Variants in CTBP2 observed in about 807,000 individuals in gnomAD.
CTBP2 encodes the protein C-terminal binding protein 2.
Under a neutral mutation model 80.3 loss-of-function variants are expected in CTBP2, and 30 were observed. The ratio of observed to expected loss-of-function variants is 0.37; its 90% CI spans 0.28 to 0.51. The LOEUF (loss-of-function observed/expected upper bound fraction) is 0.51, where lower values mean the gene tolerates loss of function less well. CTBP2 is among the 20% of genes least tolerant of loss of function. CTBP2 has a pLI of 0.93. For synonymous variants in CTBP2, 594 were observed against 587.4 expected (o/e 1.01, Z -0.16); for missense variants, 1,212 against 1,375.3 (o/e 0.88, Z 1.88).
intron 2 of CTBP2, among the ~76,000 whole-genome samples, chr10:125,052,081 G>A (rs1005622471): frequency 2.6e-5 from 4 of 152,164 alleles, no homozygotes; most frequent in East Asian, 1.9e-4. Flanking sequence ...ACCCGAGCAC[G>A]CCAACACATG....
At chr10:125,009,311 A>G (rs1034254821) in intron 1 of CTBP2, among the ~76,000 whole-genome samples, 2 of 152,182 alleles carry the variant, frequency 1.3e-5, no homozygotes, top group Non-Finnish European at 2.9e-5. Flanking sequence ...GTGGCCTGGG[A>G]GGCAGGAGGA....
intron 3 of CTBP2, among the ~76,000 whole-genome samples, chr10:125,034,992 C>G (rs1416411866): frequency 6.6e-6 from 1 of 152,112 alleles, no homozygotes; most frequent in African/African-American, 2.4e-5. Context: ...GTTCCTTATA[C>G]GTATGGATGA....
intron 1 of CTBP2, among the ~76,000 whole-genome samples, chr10:125,012,167 C>T (rs1331915377): frequency 3.9e-5 from 6 of 152,228 alleles, no homozygotes; most frequent in South Asian, 2.1e-4. Context: ...AGACGCGCTA[C>T]GTGTGCGAGA....
chr10:124,990,905 C>A (rs1302517290), intron 8 of CTBP2, among the ~76,000 whole-genome samples: 1 of 152,270 alleles, frequency 6.6e-6, no homozygotes, highest in Non-Finnish European at 1.5e-5. Flanking sequence ...TCTCAGACTT[C>A]CAGCCTCCAG....
intron 2 of CTBP2, among the ~76,000 whole-genome samples, chr10:125,046,335 G>A (rs373809182): frequency 1.3e-5 from 2 of 151,918 alleles, no homozygotes; most frequent in African/African-American, 4.8e-5. Flanking sequence ...TCAGAAGTTC[G>A]AGACCAGCCT....
intron 1 of CTBP2, among the ~76,000 whole-genome samples, chr10:125,013,537 G>A (rs2134439677): frequency 6.6e-6 from 1 of 152,284 alleles, no homozygotes; most frequent in East Asian, 1.9e-4. Flanking sequence ...CAAAGGGATG[G>A]TAAACAGTTA....
At chr10:125,060,616 G>A (rs1964786633) in intron 2 of CTBP2, among the ~76,000 whole-genome samples, 1 of 152,202 alleles carries the variant, frequency 6.6e-6, no homozygotes, top group African/African-American at 2.4e-5. Context: ...GAACGTTCCC[G>A]AGTTTCCATC....
intron 1 of CTBP2, among the ~76,000 whole-genome samples, chr10:125,149,319 G>A (rs1859381272): frequency 6.6e-6 from 1 of 152,218 alleles, no homozygotes; most frequent in South Asian, 2.1e-4. Flanking sequence ...ACAGAAAGGA[G>A]AGGGCTGGCC....
intron 2 of CTBP2, among the ~76,000 whole-genome samples, chr10:125,075,278 G>A (rs1445138455): frequency 6.6e-6 from 1 of 152,180 alleles, no homozygotes; most frequent in Non-Finnish European, 1.5e-5. Flanking sequence ...CCCCCAAGAA[G>A]AGTATGCTGG....
At chr10:125,118,204 GCTTTCA>G (rs57905467) in intron 1 of CTBP2, among the ~76,000 whole-genome samples, 13,231 of 152,176 alleles carry the variant, frequency 0.087, 695 homozygotes, top group South Asian at 0.14. Flanking sequence ...TGCTCTTTCA[GCTTTCA>G]GCTTTTCTAG....
At chr10:125,135,638 A>G (rs998704502) in intron 1 of CTBP2, among the ~76,000 whole-genome samples, 1 of 151,926 alleles carries the variant, frequency 6.6e-6, no homozygotes, top group African/African-American at 2.4e-5. Context: ...CTCCATCCCC[A>G]CGCACACAGG....
chr10:125,067,351 A>G (rs1844807263), intron 2 of CTBP2, among the ~76,000 whole-genome samples: 2 of 152,140 alleles, frequency 1.3e-5, no homozygotes, highest in Non-Finnish European at 2.9e-5. Context: ...CTGGGATGGA[A>G]AAAGGATATC....
At chr10:125,109,425 CTT>C (rs1590834776) in intron 2 of CTBP2, among the ~76,000 whole-genome samples, 1 of 152,192 alleles carries the variant, frequency 6.6e-6, no homozygotes, top group East Asian at 1.9e-4. Context: ...CCCAAGGTGA[CTT>C]TGTCTCTGCC....
chr10:125,028,889 G>T (rs187269865), upstream of CTBP2, among the ~76,000 whole-genome samples: 402 of 152,292 alleles, frequency 2.6e-3, 2 homozygotes, highest in African/African-American at 9.1e-3. Context: ...GACTTCAGGC[G>T]CAATAATGCA....
rs145557678 is a variant in CTBP2 at position 125,003,015 on chromosome 10, G to A, written c.1923C>T (p.Ile641=). Reference sequence around the variant, plus strand: ...TGTCATAGCCACTGCCTATCCGCACGATCACTCTCAGGGCCTTGAACTTCT... The same window carrying A: ...TGTCATAGCCACTGCCTATCCGCACAATCACTCTCAGGGCCTTGAACTTCT... The change falls in exon 3 of 9, where the codon ATC becomes ATT. Residue 641 remains isoleucine, a synonymous_variant. Coordinates refer to ENST00000309035, the MANE Select transcript of CTBP2 (RefSeq NM_022802.3). 3.3e-4 allele frequency: 539 copies of A among 1,613,952 alleles called. 2 individuals are homozygous for A. The East Asian group carries it at 0.011, about 33-fold the overall frequency.
chr10:125,063,418 G>A (rs1590443855), intron 2 of CTBP2, among the ~76,000 whole-genome samples: 1 of 152,304 alleles, frequency 6.6e-6, no homozygotes, highest in East Asian at 1.9e-4. Flanking sequence ...GCCCACGTGA[G>A]GAACCAACAA....
rs1403406374 is a variant in CTBP2 at position 125,026,922 on chromosome 10, A to C, written c.838T>G (p.Phe280Val). ...GTCCTCTTGCCACCAGGACCCTGGA[A>C]GGTGGACAGGTCAGCTTCGTAAGTC... Residue 280 changes from phenylalanine (F) to valine (V), a missense_variant, in exon 1 of 9, where the codon TTC (phenylalanine) becomes GTC (valine). Physicochemically the swap from Phe to Val is conservative, Grantham distance 50 (BLOSUM62 -1). Around this residue, in one of 3 missense-constraint regions of CTBP2, gnomAD observed 848 missense variants for 782.3 expected, o/e 1.08. Coordinates refer to ENST00000309035, the MANE Select transcript of CTBP2 (RefSeq NM_022802.3). 1.9e-6 allele frequency: 3 copies of C among 1,613,940 alleles called. No homozygotes were observed. Among genetic ancestry groups the C allele is most frequent in the Non-Finnish European group, 2.5e-6 (3 of 1,180,018 alleles).
intron 1 of CTBP2, chr10:125,005,909 C>A (rs963612835): frequency 1.3e-6 from 2 of 1,511,088 alleles, no homozygotes; most frequent in Admixed American, 4.4e-5. Context: ...TATAAGAAAT[C>A]CAAGCTGTTC....
rs116547263 is a variant in CTBP2 at position 125,098,248 on chromosome 10, A to G, written c.-102+12742T>C. 3.4e-3 allele frequency among the ~76,000 whole-genome samples: 511 copies of G among 152,258 alleles called. 5 individuals carry two copies. Among genetic ancestry groups the G allele is most frequent in the African/African-American group, 0.012 (497 of 41,558 alleles). On this transcript the variant is annotated intron_variant, in intron 2 of 10. Coordinates refer to the CTBP2 transcript ENST00000337195. The stretch of plus-strand genomic sequence containing the variant: ...AAGCACTGAGACGGTCCCAGCCATC[A>G]GTCCACAGGTGTGTGGACCCAGCAC...
Sources: gnomAD v4.1 joint callset for allele counts (sites outside exome capture counted in the v4.1 genomes callset) on GRCh38, gnomAD v4.1.1 for gene constraint, gnomAD v4.1.1 regional missense constraint, MANE v1.5 for transcripts, NCBI Gene and HGNC (gene_info 2026-07-23, HGNC 2026-07-21) for gene names.